AGBL4: variants seen among roughly 807,000 people sequenced by gnomAD.
AGBL4 encodes the protein cytosolic carboxypeptidase 6.
AGBL4 carries 58 observed loss-of-function variants against 66.4 expected under a neutral mutation model. The observed-to-expected ratio is 0.87, with a 90% CI of 0.71 to 1.09. The LOEUF (loss-of-function observed/expected upper bound fraction) is 1.09, where lower values mean the gene tolerates loss of function less well. Among genes scored for constraint, AGBL4 ranks in the 50% least tolerant of loss-of-function variants. The pLI is 0.00. For synonymous variants in AGBL4, 234 were observed against 222.9 expected, an observed-to-expected ratio of 1.05 and a Z score of -0.44; for missense variants, 579 against 631.0, an observed-to-expected ratio of 0.92 and a Z score of 0.88.
intron 4 of AGBL4, among the ~76,000 whole-genome samples, chr1:49,146,943 A>G (rs540261985): frequency 6.6e-6 from 1 of 152,372 alleles, no homozygotes; most frequent in South Asian, 2.1e-4. Flanking sequence ...GGCATGGAGG[A>G]AATCATAATT....
chr1:48,789,620 G>A (rs1028246359), intron 6 of AGBL4, among the ~76,000 whole-genome samples: 4 of 152,170 alleles, frequency 2.6e-5, no homozygotes, highest in African/African-American at 9.7e-5. Context: ...TCTGGGTAGA[G>A]TAAGGGGTAC....
chr1:49,401,543 T>A (rs1418509143), intron 3 of AGBL4, among the ~76,000 whole-genome samples: 1 of 152,224 alleles, frequency 6.6e-6, no homozygotes, highest in Non-Finnish European at 1.5e-5. Context: ...GAACAAGTAT[T>A]AATTCAACAA....
intron 3 of AGBL4, among the ~76,000 whole-genome samples, chr1:49,324,668 C>A (rs983265202): frequency 3.9e-5 from 6 of 152,222 alleles, no homozygotes; most frequent in Non-Finnish European, 8.8e-5. Flanking sequence ...ATCACAGCAT[C>A]TGACATTATT....
At chr1:49,566,699 T>C (rs1644213810) in intron 3 of AGBL4, among the ~76,000 whole-genome samples, 2 of 152,284 alleles carry the variant, frequency 1.3e-5, no homozygotes, top group South Asian at 4.1e-4. Context: ...GAGGTGTCAG[T>C]CCGCCCCTAC....
At chr1:48,670,859 T>G (rs936555410) in intron 6 of AGBL4, among the ~76,000 whole-genome samples, 3 of 152,236 alleles carry the variant, frequency 2.0e-5, no homozygotes, top group African/African-American at 7.2e-5. Flanking sequence ...GGCTCTGAGA[T>G]TCCCATACAG....
At chr1:48,575,819 A>G (rs1361994651) in intron 11 of AGBL4, among the ~76,000 whole-genome samples, 1 of 152,066 alleles carries the variant, frequency 6.6e-6, no homozygotes, top group African/African-American at 2.4e-5. Flanking sequence ...TCTCCTGCCC[A>G]TCTCCTCCAC....
At chr1:48,727,282 G>C (rs1467317421) in intron 6 of AGBL4, among the ~76,000 whole-genome samples, 1 of 152,180 alleles carries the variant, frequency 6.6e-6, no homozygotes, top group Non-Finnish European at 1.5e-5. Context: ...CTGAATCTCA[G>C]ATCACCTTGA....
At position 49,256,721 on chromosome 1, in the gene AGBL4, T is replaced by C. The variant is rs1652538093; in HGVS notation, c.283-10857A>G. On this transcript the variant is annotated intron_variant, in intron 3 of 13. Coordinates refer to ENST00000371839, the MANE Select transcript of AGBL4 (RefSeq NM_032785.4). Reference sequence around the variant, plus strand: ...GCCAAGAAAAGCAGCAACAGAGTTTTAGATAGCAAGACTTACTGTAATGTT... The same window carrying C: ...GCCAAGAAAAGCAGCAACAGAGTTTCAGATAGCAAGACTTACTGTAATGTT... Among the ~76,000 whole-genome samples, 3 of 152,170 alleles carry C rather than the reference T, an allele frequency of 2.0e-5. No individual in the cohort carries two copies. The South Asian group carries it at 6.2e-4, about 32-fold the overall frequency.
chr1:49,706,146 T>C (rs1217054235), intron 2 of AGBL4, among the ~76,000 whole-genome samples: 1 of 152,220 alleles, frequency 6.6e-6, no homozygotes, highest in African/African-American at 2.4e-5. Flanking sequence ...TTTGTACTTC[T>C]GGTGGAATTC....
chr1:49,309,423 G>A (rs1419950806), intron 3 of AGBL4, among the ~76,000 whole-genome samples: 2 of 152,002 alleles, frequency 1.3e-5, no homozygotes, highest in Admixed American at 6.6e-5. Flanking sequence ...AATTAAATAA[G>A]TGCCATAATA....
At chr1:50,023,231 CT>C (rs1384908839) in intron 1 of AGBL4, among the ~76,000 whole-genome samples, 2 of 152,196 alleles carry the variant, frequency 1.3e-5, no homozygotes, top group African/African-American at 2.4e-5. Context: ...AGGAGTGACC[CT>C]GAGGACACTG....
chr1:49,402,454 T>C (rs1645105811), intron 3 of AGBL4, among the ~76,000 whole-genome samples: 1 of 152,224 alleles, frequency 6.6e-6, no homozygotes, highest in Non-Finnish European at 1.5e-5. Context: ...CAGGAGCATA[T>C]TGTTTAATTT....
At chr1:49,692,307 G>T (rs1646903935) in intron 3 of AGBL4, among the ~76,000 whole-genome samples, 1 of 152,116 alleles carries the variant, frequency 6.6e-6, no homozygotes, top group Admixed American at 6.6e-5. Flanking sequence ...ACCAAAATTG[G>T]TTTAAATCCA....
chr1:49,060,201 G>A (rs1315471880), intron 4 of AGBL4, among the ~76,000 whole-genome samples: 1 of 152,112 alleles, frequency 6.6e-6, no homozygotes, highest in African/African-American at 2.4e-5. Context: ...TGAATCATGA[G>A]GGTGGTTACC....
intron 3 of AGBL4, among the ~76,000 whole-genome samples, chr1:49,381,106 G>A (rs1360975191): frequency 1.3e-5 from 2 of 151,822 alleles, no homozygotes; most frequent in South Asian, 2.1e-4. Flanking sequence ...TCTGACAAAG[G>A]GCTAATATCC....
chr1:48,899,995 A>G (rs1651928831), intron 5 of AGBL4, among the ~76,000 whole-genome samples: 1 of 152,208 alleles, frequency 6.6e-6, no homozygotes, highest in African/African-American at 2.4e-5. Context: ...GGGGTCAGAA[A>G]AGATTTCCAT....
At chr1:49,179,896 T>A (rs1474807713) in intron 4 of AGBL4, among the ~76,000 whole-genome samples, 2 of 152,046 alleles carry the variant, frequency 1.3e-5, no homozygotes, top group East Asian at 1.9e-4. Flanking sequence ...ATCTTTATTT[T>A]TTTTATTTTT....
At position 50,001,159 on chromosome 1, in the gene AGBL4, A is replaced by G. The variant is rs527383105; in HGVS notation, c.34+22604T>C. Among the ~76,000 whole-genome samples the G allele has an allele frequency of 6.3e-4, 95 of 149,754 alleles. 2 individuals are homozygous for G. In the South Asian group the frequency reaches 0.011, roughly 17 times the overall value. ...GTATATGTGGTATGACCACATGTGT[A>G]TATATATATATATGCACACTAAGTG... On this transcript the variant is annotated intron_variant, in intron 1 of 13. Transcript: ENST00000371839.
At chr1:48,843,501 A>G (rs911151491) in intron 6 of AGBL4, among the ~76,000 whole-genome samples, 6 of 152,164 alleles carry the variant, frequency 3.9e-5, no homozygotes, top group African/African-American at 1.4e-4. Context: ...CATAAGCTAA[A>G]ATGGTTTTCA....
Sources: allele counts gnomAD v4.1 joint callset (sites outside exome capture counted in the v4.1 genomes callset), GRCh38; gene constraint gnomAD v4.1.1; transcripts MANE v1.5; gene names NCBI Gene and HGNC (gene_info 2026-07-23, HGNC 2026-07-21).